The following SPON1 variants were observed in gnomAD, a reference collection of about 807,000 sequenced individuals.
SPON1 encodes the protein spondin 1, also known as spondin-1.
In SPON1, 52 loss-of-function variants were observed where a neutral mutation model predicts 111.7. The observed-to-expected ratio is 0.47, with a 90% CI of 0.37 to 0.59. The LOEUF (loss-of-function observed/expected upper bound fraction) is 0.59. SPON1 is among the 20% of genes least tolerant of loss of function. The pLI, the probability that SPON1 is intolerant of heterozygous loss-of-function variation, is 0.00. For synonymous variants in SPON1, 410 were observed against 395.8 expected, an observed-to-expected ratio of 1.04 and a Z score of -0.43; for missense variants, 957 against 1,068.5, an observed-to-expected ratio of 0.90 and a Z score of 1.46.
intron 5 of SPON1, among the ~76,000 whole-genome samples, chr11:14,088,575 A>T (rs1017827801): frequency 1.4e-4 from 21 of 149,572 alleles, no homozygotes; most frequent in Non-Finnish European, 1.3e-4. Context: ...TTTTTCCTTC[A>T]TTTCAACCTT....
intron 5 of SPON1, among the ~76,000 whole-genome samples, chr11:14,106,672 G>A (rs782745570): frequency 1.5e-4 from 23 of 152,122 alleles, no homozygotes; most frequent in Non-Finnish European, 2.8e-4. Flanking sequence ...CATAGAAGAC[G>A]ACAAAGGGTA....
At chr11:14,079,840 C>T (rs1848947128) in intron 4 of SPON1, 59 bp from the exon 5 acceptor site, 1 of 1,597,864 alleles carries the variant, frequency 6.3e-7, no homozygotes, top group African/African-American at 1.3e-5. Flanking sequence ...CATGATAGCA[C>T]CACCTTATAT....
In SPON1 at chr11:14,126,865, C is replaced by T. The variant is rs150249339; in HGVS notation, c.677-8555C>T. Among the ~76,000 whole-genome samples, 71 of 152,244 alleles carry T rather than the reference C, an allele frequency of 4.7e-4. No individual in the cohort carries two copies. The East Asian group carries it at 0.013, about 27-fold the overall frequency. ...AGAGGATGTGGGGCCCAGGTGTAAACTTTCTCGTGTCCCAGCTAACTGAGA... is the reference window on the plus strand; with the variant it reads ...AGAGGATGTGGGGCCCAGGTGTAAATTTTCTCGTGTCCCAGCTAACTGAGA... On this transcript the variant is annotated intron_variant, in intron 5 of 15. Transcript: ENST00000576479.
rs567645298 is a variant in SPON1 at position 14,113,883 on chromosome 11, C to A, written c.677-21537C>A. Among the ~76,000 whole-genome samples the A allele has an allele frequency of 3.3e-5, 5 of 152,018 alleles. No homozygotes were observed. In the South Asian group the frequency reaches 8.3e-4, roughly 25 times the overall value. ...CCTCCCAAAGTGCTGGGATTACAGG[C>A]GTGAGCCACCGCGCCTGGCCAAATT... On this transcript the variant is annotated intron_variant, in intron 5 of 15. Coordinates refer to ENST00000576479, the MANE Select transcript of SPON1 (RefSeq NM_006108.4).
intron 3 of SPON1, among the ~76,000 whole-genome samples, chr11:14,074,226 C>G (rs544243979): frequency 6.6e-6 from 1 of 152,298 alleles, no homozygotes; most frequent in South Asian, 2.1e-4. Flanking sequence ...TAAGGAATGA[C>G]TGTAAAAGAC....
At chr11:14,176,960 T>G (rs73426119) in intron 6 of SPON1, among the ~76,000 whole-genome samples, 7,140 of 152,274 alleles carry the variant, frequency 0.047, 527 homozygotes, top group African/African-American at 0.16. Flanking sequence ...TTCATGCAGA[T>G]CCTGCTGCAC....
chr11:14,224,562 C>T (rs1263939253), intron 6 of SPON1, among the ~76,000 whole-genome samples: 2 of 152,186 alleles, frequency 1.3e-5, no homozygotes, highest in African/African-American at 4.8e-5. Context: ...AATTTAGCTT[C>T]TCTAAGCTGC....
At chr11:14,213,764 C>T (rs782360025) in intron 6 of SPON1, among the ~76,000 whole-genome samples, 1 of 152,188 alleles carries the variant, frequency 6.6e-6, no homozygotes. Flanking sequence ...CCACGCTGTA[C>T]TGAAGTACAT....
chr11:13,994,614 G>A (rs1848256490), intron 2 of SPON1, among the ~76,000 whole-genome samples: 1 of 152,168 alleles, frequency 6.6e-6, no homozygotes, highest in East Asian at 1.9e-4. Flanking sequence ...AGCTAATGGA[G>A]GAAGAGAGAA....
intron 5 of SPON1, among the ~76,000 whole-genome samples, chr11:14,083,188 G>T (rs1190293139): frequency 6.6e-6 from 1 of 152,070 alleles, no homozygotes. Context: ...GTGAAAAGAG[G>T]ATCAATGTTT....
Position 14,080,031 on chromosome 11 carries a change from G to GTGGCTACTCTGTGGTTTGGGGAA in SPON1, c.676+11_676+33dup. The GTGGCTACTCTGTGGTTTGGGGAA allele has an allele frequency of 6.2e-7, 1 of 1,613,834 alleles. No individual in the cohort carries two copies. The highest frequency in any genetic ancestry group is 8.5e-7 in the Non-Finnish European group (1 of 1,179,844). ...CCAAAGGATTACCCTCGTGAGTAGA[G>GTGGCTACTCTGTGGTTTGGGGAA]TGGCTACTCTGTGGTTTGGGGAAAA... is the stretch of plus-strand genomic sequence containing the variant. On this transcript the variant is annotated intron_variant, in intron 5 of 15. Transcript: ENST00000576479.
intron 4 of SPON1, among the ~76,000 whole-genome samples, chr11:14,079,263 T>A (rs1266446514): frequency 6.6e-6 from 1 of 152,214 alleles, no homozygotes. Flanking sequence ...TGGCTACTTC[T>A]ATACCCAGAA....
intron 5 of SPON1, among the ~76,000 whole-genome samples, chr11:14,103,833 C>T (rs1033511748): frequency 2.6e-5 from 4 of 152,134 alleles, no homozygotes; most frequent in Non-Finnish European, 4.4e-5. Flanking sequence ...GCTTTTCAGT[C>T]TATTAATTTA....
chr11:14,209,993 G>A (rs1050430940), intron 6 of SPON1, among the ~76,000 whole-genome samples: 1 of 152,182 alleles, frequency 6.6e-6, no homozygotes, highest in South Asian at 2.1e-4. Context: ...GTTTTGATTT[G>A]CATTTCTCTA....
At chr11:13,967,589 A>G (rs547626005) in intron 1 of SPON1, among the ~76,000 whole-genome samples, 24 of 152,064 alleles carry the variant, frequency 1.6e-4, no homozygotes, top group African/African-American at 5.3e-4. Context: ...GTTTTTACAT[A>G]CAGATGTTAT....
At chr11:14,237,810 C>T (rs1039998596) in intron 6 of SPON1, among the ~76,000 whole-genome samples, 2 of 152,224 alleles carry the variant, frequency 1.3e-5, no homozygotes, top group Non-Finnish European at 1.5e-5. Context: ...TATTCTTCCA[C>T]GTGTGGCTGT....
intron 6 of SPON1, among the ~76,000 whole-genome samples, chr11:14,215,384 G>A (rs782084695): frequency 6.6e-6 from 1 of 152,180 alleles, no homozygotes. Context: ...ATGGGCTGGT[G>A]TAAAGGGTCT....
intron 6 of SPON1, among the ~76,000 whole-genome samples, chr11:14,146,432 G>A (rs1554929349): frequency 2.0e-5 from 3 of 152,056 alleles, no homozygotes; most frequent in Non-Finnish European, 2.9e-5. Context: ...TTACAGGCGT[G>A]AGCCACCACA....
intron 6 of SPON1, among the ~76,000 whole-genome samples, chr11:14,202,965 C>T (rs1186515422): frequency 6.6e-6 from 1 of 152,102 alleles, no homozygotes; most frequent in Admixed American, 6.5e-5. Context: ...TATAATCAAC[C>T]TCAATCTACC....
Sources: gnomAD v4.1 joint callset for allele counts (sites outside exome capture counted in the v4.1 genomes callset) on GRCh38, gnomAD v4.1.1 for gene constraint, MANE v1.5 for transcripts, NCBI Gene and HGNC (gene_info 2026-07-23, HGNC 2026-07-21) for gene names.